The following MYO15B variants were observed in gnomAD, a reference collection of about 807,000 sequenced individuals.
MYO15B encodes myosin XVB pseudogene.
A neutral mutation model predicts 119.3 loss-of-function variants in MYO15B; 207 were observed. The ratio of observed to expected loss-of-function variants is 1.73; its 90% CI spans 1.55 to 1.95. The LOEUF is 1.95. Ranked by LOEUF, MYO15B falls within the 30% of genes most tolerant of loss-of-function variation. The probability of loss-of-function intolerance (pLI) is 0.00; values close to 1 mark genes in which losing one functional copy is unlikely to be tolerated. For synonymous variants in MYO15B, 966 were observed against 498.9 expected (o/e 1.94, Z -12.48); for missense variants, 2,264 against 1,203.1 (o/e 1.88, Z -13.04).
In MYO15B at chr17:75,592,893, G is replaced by T. The variant is rs1054612026; in HGVS notation, c.2991+53G>T. ...CTGGGGTGCTGGGTCTGTAGAATCA[G>T]GGCAGTGGTAATGACGCCAAATGCT... On this transcript the variant is annotated intron_variant, in intron 9 of 63. Transcript: ENST00000645453. 7.4e-6 allele frequency: 5 copies of T among 678,458 alleles called. No homozygotes were observed. The Admixed American group carries it at 1.0e-4, about 14-fold the overall frequency. The allele number at this position is 678,458 out of a possible 1,614,324, so 42.0% of individuals were successfully genotyped here.
At chr17:75,593,584 AGCCTAG>A (rs1251809237) in intron 9 of MYO15B, among the ~76,000 whole-genome samples, 1 of 150,066 alleles carries the variant, frequency 6.7e-6, no homozygotes, top group Non-Finnish European at 1.5e-5. Flanking sequence ...TACTCCATCC[AGCCTAG>A]GTGACAGAGC....
exon 21 of MYO15B, chr17:75,606,014 C>CAGGCCAGGTCTGCAGGCGTTG: frequency 1.4e-6 from 1 of 693,990 alleles, no homozygotes; most frequent in Non-Finnish European, 2.6e-6. Flanking sequence ...GCGTGGGTTC[C>CAGGCCAGGTCTGCAGGCGTTG]AGGCCAGGTC....
chr17:75,592,202 A>G (rs777765093), intron 6 of MYO15B, 36 bp from the exon 7 acceptor site: 1 of 702,114 alleles, frequency 1.4e-6, no homozygotes, highest in Non-Finnish European at 2.6e-6. Context: ...GGTGTTCTGC[A>G]TCCTGGGCAC....
At chr17:75,603,113 C>T (rs551251209) in intron 18 of MYO15B, 36 bp downstream of exon 18, 2 of 703,154 alleles carry the variant, frequency 2.8e-6, no homozygotes, top group Non-Finnish European at 5.2e-6. Context: ...GGGCCCTCCC[C>T]CTCCCTGCAC....
chr17:75,620,559 G>A, exon 49 of MYO15B: 1 of 702,850 alleles, frequency 1.4e-6, no homozygotes, highest in Non-Finnish European at 2.6e-6. Context: ...CTTCTCCAAG[G>A]AGCAGAGGAG....
At position 75,623,829 on chromosome 17, in the gene MYO15B, AAGC is replaced by A. The variant is rs1456919745; in HGVS notation, c.8134_8136del (p.Gln2712del). ...GGATGAGATTTACTGCCAGGTTATC[AAGC>A]AGGTCACGGGACACCCCCGGCCGTG... On this transcript the variant is annotated inframe_deletion, in exon 54 of 64. Coordinates refer to ENST00000645453, the Ensembl canonical transcript of MYO15B. 4 of 701,748 alleles carry A rather than the reference AAGC, an allele frequency of 5.7e-6. No homozygotes were observed. The Admixed American group carries it at 8.0e-5, about 14-fold the overall frequency. The allele number at this position is 701,748 out of a possible 1,614,324, so 43.5% of individuals were successfully genotyped here.
exon 38 of MYO15B, chr17:75,616,405 A>T: frequency 1.6e-6 from 1 of 625,178 alleles, no homozygotes; most frequent in South Asian, 1.9e-5. Flanking sequence ...GAGGAGGAGG[A>T]GGAGGAGGAG....
chr17:75,620,456 G>A lies in MYO15B; in HGVS notation c.7556-11G>A, dbSNP rs375571740. 3.1e-5 allele frequency: 22 copies of A among 702,374 alleles called. No homozygotes were observed. Among genetic ancestry groups the A allele is most frequent in the African/African-American group, 3.5e-5 (2 of 57,234 alleles). 43.5% of individuals were successfully genotyped at this position (702,374 alleles called of 1,614,324 possible). A position where few individuals can be genotyped will look rare whatever the true frequency, so the allele number is the denominator to read the frequency against. On this transcript the variant is annotated splice_polypyrimidine_tract_variant and intron_variant, in intron 48 of 63. Transcript: ENST00000645453. ...TCCAGTGGGTGAGCCACATCCCTGG[G>A]TGCCTTCCAGGCTGGCAGTTTGGCT...
chr17:75,593,924 G>GGAA (rs374683707), intron 9 of MYO15B, among the ~76,000 whole-genome samples: 1 of 128,830 alleles, frequency 7.8e-6, no homozygotes, highest in Non-Finnish European at 1.6e-5. Context: ...AGTCTCAGAA[G>GGAA]AAAAAAAAAA....
chr17:75,588,585 A>G lies in MYO15B; in HGVS notation c.528A>G (p.Thr176=), dbSNP rs1598669947. 5 of 399,280 alleles carry G rather than the reference A, an allele frequency of 1.3e-5. No individual in the cohort carries two copies. In the South Asian group the frequency reaches 6.4e-4, roughly 51 times the overall value. The allele number at this position is 399,280 out of a possible 1,614,324, so 24.7% of individuals were successfully genotyped here. A position where few individuals can be genotyped will look rare whatever the true frequency, so the allele number is the denominator to read the frequency against. ...AGGAGAGCGGCAGCCAGCGCGGCAC[A>G]GCCCGGGAGCTGCGGCCCACGCCGG... Residue 176 remains threonine, a synonymous_variant, in exon 1 of 64, where the codon ACA becomes ACG. Transcript: ENST00000645453.
chr17:75,624,388 C>T (rs1323718446), exon 57 of MYO15B: 1 of 702,512 alleles, frequency 1.4e-6, no homozygotes, highest in Admixed American at 2.0e-5. Context: ...AGCGATTCGC[C>T]TGCTTCTTAT....
exon 22 of MYO15B, chr17:75,610,171 G>A (rs944576821): frequency 1.1e-5 from 8 of 699,250 alleles, no homozygotes; most frequent in South Asian, 5.9e-5. Context: ...TCCAGGAAGC[G>A]GTACCTCCGG....
chr17:75,620,535 G>A (rs765580946), exon 49 of MYO15B: 7 of 702,684 alleles, frequency 1.0e-5, no homozygotes, highest in Non-Finnish European at 1.6e-5. Flanking sequence ...GCCGGCTGCC[G>A]CTCCCGACTT....
chr17:75,594,422 G>A (rs2056712152), intron 9 of MYO15B, 53 bp from the exon 10 acceptor site: 2 of 579,684 alleles, frequency 3.5e-6, no homozygotes, highest in Non-Finnish European at 3.1e-6. Context: ...CCTGCCTGGG[G>A]AGTGTGTCCA....
At chr17:75,624,849 G>T in exon 59 of MYO15B, 2 of 703,018 alleles carry the variant, frequency 2.8e-6, no homozygotes, top group South Asian at 1.5e-5. Flanking sequence ...CTGCACAGCC[G>T]GCGGCTCCAC....
exon 15 of MYO15B, chr17:75,601,543 G>T (rs1028303385): frequency 7.1e-6 from 5 of 703,048 alleles, no homozygotes; most frequent in Admixed American, 2.0e-5. Context: ...GCGACATTAT[G>T]CAGGGACTGT....
At position 75,589,466 on chromosome 17, in the gene MYO15B, G is replaced by A. The variant is rs76014288; in HGVS notation, c.1409G>A (p.Gly470Asp). 34,362 of 397,804 alleles carry A rather than the reference G, an allele frequency of 0.086. 1,680 individuals carry two copies. Among genetic ancestry groups the A allele is most frequent in the Middle Eastern group, 0.15 (240 of 1,590 alleles). The allele number at this position is 397,804 out of a possible 1,614,324, so 24.6% of individuals were successfully genotyped here. A position where few individuals can be genotyped will look rare whatever the true frequency, so the allele number is the denominator to read the frequency against. ...TGCGGGAAAGCGGACGAGGGGCGGG[G>A]TCACGAGAGAGGTGACGAGGGCCGG... The change falls in exon 1 of 64, where the codon GGT becomes GAT. Residue 470 changes from glycine to aspartate, a missense_variant. By Grantham distance (94) the Gly-to-Asp change is moderately conservative (BLOSUM62 -1). Transcript: ENST00000645453. The surrounding 1 kb of genome is among the most constrained non-coding windows in gnomAD (Gnocchi z 4.2).
intron 8 of MYO15B, 32 bp from the exon 9 acceptor site, chr17:75,592,647 C>T (rs1200473426): frequency 1.6e-5 from 11 of 676,148 alleles, no homozygotes; most frequent in East Asian, 1.4e-4. Flanking sequence ...GGGTGGCAGG[C>T]CCCGCTCCCT....
exon 12 of MYO15B, chr17:75,594,917 C>A (rs1598724914): frequency 1.4e-6 from 1 of 703,078 alleles, no homozygotes; most frequent in African/African-American, 1.7e-5. Context: ...CTGGCACCAC[C>A]AGGGGAGGGA....
Sources: allele counts gnomAD v4.1 joint callset (sites outside exome capture counted in the v4.1 genomes callset), GRCh38; gene constraint gnomAD v4.1.1; non-coding constraint Gnocchi (gnomAD v3.1); transcripts MANE v1.5; gene names NCBI Gene and HGNC (gene_info 2026-07-23, HGNC 2026-07-21).